ANO10: variants seen among roughly 807,000 people sequenced by gnomAD.
ANO10 encodes anoctamin-10.
Under a neutral mutation model 74.7 loss-of-function variants are expected in ANO10, and 77 were observed. The observed-to-expected ratio is 1.03, with a 90% CI of 0.86 to 1.25. The LOEUF (loss-of-function observed/expected upper bound fraction) is 1.25. Among genes scored for constraint, ANO10 ranks in the 50% most tolerant of loss-of-function variants. The probability of loss-of-function intolerance (pLI) is 0.00; values close to 1 mark genes in which losing one functional copy is unlikely to be tolerated. For synonymous variants in ANO10, 279 were observed against 284.9 expected (o/e 0.98, Z 0.21); for missense variants, 721 against 778.1 (o/e 0.93, Z 0.87).
chr3:43,371,219 G>A (rs1487073462), intron 12 of ANO10, among the ~76,000 whole-genome samples: 1 of 152,092 alleles, frequency 6.6e-6, no homozygotes, highest in Non-Finnish European at 1.5e-5. Context: ...GGAGCCCTTG[G>A]CTGAAGGATA....
intron 11 of ANO10, among the ~76,000 whole-genome samples, chr3:43,450,583 G>A (rs889697407): frequency 6.6e-6 from 1 of 152,154 alleles, no homozygotes; most frequent in Non-Finnish European, 1.5e-5. Context: ...ACCTATGCCA[G>A]AATTATATGT....
intron 4 of ANO10, among the ~76,000 whole-genome samples, chr3:43,597,027 T>A (rs2082120250): frequency 6.6e-6 from 1 of 152,218 alleles, no homozygotes; most frequent in Non-Finnish European, 1.5e-5. Context: ...TCATCATCAC[T>A]GGCCATCAGA....
At chr3:43,463,181 G>C (rs184793982) in intron 11 of ANO10, among the ~76,000 whole-genome samples, 1 of 152,252 alleles carries the variant, frequency 6.6e-6, no homozygotes, top group African/African-American at 2.4e-5. Context: ...ACCTGAGAAT[G>C]GCAGATCCAC....
intron 11 of ANO10, among the ~76,000 whole-genome samples, chr3:43,536,359 C>A (rs191221543): frequency 5.2e-4 from 79 of 152,332 alleles, no homozygotes; most frequent in Non-Finnish European, 9.7e-4. Context: ...TCTAGAAGCA[C>A]ATGAATACCC....
chr3:43,559,090 T>C (rs1308757115), intron 9 of ANO10, among the ~76,000 whole-genome samples: 1 of 152,224 alleles, frequency 6.6e-6, no homozygotes, highest in African/African-American at 2.4e-5. Context: ...AAATAATTAA[T>C]GACATAGAGC....
intron 2 of ANO10, among the ~76,000 whole-genome samples, chr3:43,604,424 T>C (rs2082469303): frequency 6.6e-6 from 1 of 152,148 alleles, no homozygotes. Flanking sequence ...GCTTAACTTT[T>C]GGCTTTCTCA....
At chr3:43,594,119 T>C (rs1418004739) in intron 4 of ANO10, among the ~76,000 whole-genome samples, 2 of 152,140 alleles carry the variant, frequency 1.3e-5, no homozygotes, top group Non-Finnish European at 2.9e-5. Context: ...AGCAAATCCT[T>C]AGAGACCTAC....
rs560310785 is a variant in ANO10, at chr3:43,662,673, G to T, written c.-12+28844C>A. Among the ~76,000 whole-genome samples, 113 of 152,022 alleles carry T rather than the reference G, an allele frequency of 7.4e-4. No individual in the cohort carries two copies. In the South Asian group the frequency reaches 8.5e-3, roughly 11 times the overall value. On this transcript the variant is annotated intron_variant, in intron 1 of 3. Transcript: ENST00000413397. ...CAAGACTAGTGAAGAAAAGAGAGAA[G>T]AATCAAATAGATGCAATAAAAAATG...
chr3:43,504,341 T>C (rs1341478566), intron 11 of ANO10, among the ~76,000 whole-genome samples: 1 of 151,364 alleles, frequency 6.6e-6, no homozygotes, highest in African/African-American at 2.4e-5. Context: ...GATAGATAGA[T>C]AGATAAAAAT....
At chr3:43,629,837 T>C (rs1174947159) in intron 1 of ANO10, among the ~76,000 whole-genome samples, 1 of 152,172 alleles carries the variant, frequency 6.6e-6, no homozygotes, top group African/African-American at 2.4e-5. Context: ...AGTCAGTAAA[T>C]AGGCCTCTGA....
rs568761588 is a variant in ANO10 at position 43,441,559 on chromosome 3, T to A, written c.1798-8832A>T. 5.3e-5 allele frequency among the ~76,000 whole-genome samples: 8 copies of A among 152,234 alleles called. No homozygotes were observed. The South Asian group carries it at 1.4e-3, about 28-fold the overall frequency. ...AAAAGCCCAGGACCAGAGAGCTTCA[T>A]GGGTGAATTCCACCAAACATTTAAA... On this transcript the variant is annotated intron_variant, in intron 11 of 12. Transcript: ENST00000292246.
chr3:43,680,565 T>A (rs1013360310), intron 1 of ANO10, among the ~76,000 whole-genome samples: 3 of 151,976 alleles, frequency 2.0e-5, no homozygotes, highest in Admixed American at 2.0e-4. Context: ...ATATTCAAAT[T>A]CAGGAAATAC....
intron 4 of ANO10, among the ~76,000 whole-genome samples, chr3:43,586,064 C>G (rs2081468386): frequency 6.6e-6 from 1 of 152,184 alleles, no homozygotes; most frequent in Non-Finnish European, 1.5e-5. Context: ...CTTCTGCAAA[C>G]CTGGGCCAAG....
chr3:43,558,410 T>C (rs1457502242), intron 9 of ANO10, among the ~76,000 whole-genome samples: 1 of 151,978 alleles, frequency 6.6e-6, no homozygotes, highest in Non-Finnish European at 1.5e-5. Context: ...CAGAGGACAG[T>C]GAAGATCTAG....
Position 43,598,570 on chromosome 3 carries a change from C to T in ANO10, c.434G>A (p.Gly145Asp). The change falls in exon 4 of 13, where the codon GGT becomes GAT. Residue 145 changes from glycine to aspartate, a missense_variant. Physicochemically the swap from Gly to Asp is moderately conservative, Grantham distance 94 (BLOSUM62 -1). Transcript: ENST00000292246. ...LRAKDEKMIPGYPQAKLYPGK... is the reference protein window; with the variant it reads ...LRAKDEKMIPDYPQAKLYPGK... ...TGGATACAACTTTGCCTGAGGGTAA[C>T]CAGGGATCATTTTTTCATCTTTAGC... is the stretch of plus-strand genomic sequence containing the variant. 6.2e-7 allele frequency: 1 copy of T among 1,612,978 alleles called. No homozygotes were observed. Among genetic ancestry groups the T allele is most frequent in the Non-Finnish European group, 8.5e-7 (1 of 1,179,588 alleles).
intron 12 of ANO10, among the ~76,000 whole-genome samples, chr3:43,409,864 C>T (rs574333633): frequency 1.9e-4 from 29 of 152,068 alleles, no homozygotes; most frequent in Non-Finnish European, 3.2e-4. Context: ...TCTACGCAAG[C>T]GTTTTAAGGG....
chr3:43,572,200 G>A (rs1219624745), intron 7 of ANO10, among the ~76,000 whole-genome samples: 1 of 152,140 alleles, frequency 6.6e-6, no homozygotes, highest in Non-Finnish European at 1.5e-5. Flanking sequence ...AGTGCCAGGG[G>A]AGCCCTGCTA....
chr3:43,564,694 G>A (rs866664554), intron 8 of ANO10, among the ~76,000 whole-genome samples: 1 of 152,094 alleles, frequency 6.6e-6, no homozygotes, highest in Non-Finnish European at 1.5e-5. Context: ...ATGAATCTTT[G>A]CTCCTCTCTG....
At chr3:43,623,924 GT>G (rs1261836246), upstream of ANO10, among the ~76,000 whole-genome samples, 1 of 152,092 alleles carries the variant, frequency 6.6e-6, no homozygotes, top group African/African-American at 2.4e-5. Flanking sequence ...TTAGACTTTT[GT>G]TTTTAAATTG....
Sources: gnomAD v4.1 joint callset for allele counts (sites outside exome capture counted in the v4.1 genomes callset) on GRCh38, gnomAD v4.1.1 for gene constraint, MANE v1.5 for transcripts, NCBI Gene and HGNC (gene_info 2026-07-23, HGNC 2026-07-21) for gene names.